Variants in KIF6 observed in about 807,000 individuals in gnomAD.
KIF6 encodes kinesin family member 6.
A neutral mutation model predicts 112.7 loss-of-function variants in KIF6; 106 were observed. That is an observed-to-expected ratio of 0.94 (90% CI 0.80 to 1.11). The LOEUF (loss-of-function observed/expected upper bound fraction) is 1.11. KIF6 is among the 50% of genes least tolerant of loss of function. KIF6 has a pLI of 0.00. For synonymous variants in KIF6, 339 were observed against 339.9 expected (o/e 1.00, Z 0.03); for missense variants, 929 against 964.0 (o/e 0.96, Z 0.48).
In KIF6 at chr6:39,671,861, T is replaced by C. The variant is rs530776787; in HGVS notation, c.252-32104A>G. On this transcript the variant is annotated intron_variant, in intron 3 of 22. Transcript: ENST00000287152. ...ACGTTCTCCCCATGTCTTTGTGGGT[T>C]GTCTTCGGGTACTCTGGTTTCCTCC... Among the ~76,000 whole-genome samples, 3 of 152,330 alleles carry C rather than the reference T, an allele frequency of 2.0e-5. No homozygotes were observed. In the South Asian group the frequency reaches 6.2e-4, roughly 32 times the overall value.
intron 10 of KIF6, among the ~76,000 whole-genome samples, chr6:39,563,442 A>G (rs1441812793): frequency 6.6e-6 from 1 of 152,210 alleles, no homozygotes; most frequent in Non-Finnish European, 1.5e-5. Flanking sequence ...TAAAACTAAC[A>G]GTATAGTTTA....
chr6:39,491,556 A>G (rs1056931691), intron 13 of KIF6, among the ~76,000 whole-genome samples: 11 of 152,192 alleles, frequency 7.2e-5, no homozygotes, highest in African/African-American at 2.7e-4. Context: ...AGATTTCCGT[A>G]CTTTTGGTAC....
intron 13 of KIF6, among the ~76,000 whole-genome samples, chr6:39,537,797 C>T (rs567724037): frequency 7.2e-5 from 11 of 152,298 alleles, no homozygotes; most frequent in South Asian, 2.1e-4. Flanking sequence ...GGAGGCATCA[C>T]GCTACCTGAC....
In KIF6 at chr6:39,331,007, T is replaced by A. The variant is rs1433936525; in HGVS notation, c.*5525A>T. ...GCCCAAATCCCCACAAGTCCCCTTT[T>A]TGCCAAGCTCCACGTCCTTTGCCTC... On this transcript the variant is annotated 3_prime_UTR_variant, in exon 23 of 23. Coordinates refer to ENST00000287152, the MANE Select transcript of KIF6 (RefSeq NM_145027.6). 2 of 152,490 alleles carry A rather than the reference T, an allele frequency of 1.3e-5. No homozygotes were observed. Among genetic ancestry groups the A allele is most frequent in the African/African-American group, 4.8e-5 (2 of 41,452 alleles). 9.4% of individuals were successfully genotyped at this position (152,490 alleles called of 1,614,324 possible). A position where few individuals can be genotyped will look rare whatever the true frequency, so the allele number is the denominator to read the frequency against.
intron 19 of KIF6, among the ~76,000 whole-genome samples, chr6:39,353,182 C>T (rs1022803778): frequency 3.3e-5 from 5 of 152,154 alleles, no homozygotes; most frequent in African/African-American, 1.2e-4. Flanking sequence ...TTTGCATTCC[C>T]TCTAGCAATG....
At chr6:39,581,499 A>G (rs923381076) in intron 9 of KIF6, among the ~76,000 whole-genome samples, 1 of 151,912 alleles carries the variant, frequency 6.6e-6, no homozygotes, top group Non-Finnish European at 1.5e-5. Context: ...GGATTGTCAG[A>G]CTAAAGGGGT....
chr6:39,437,061 C>G (rs528978398), intron 13 of KIF6, among the ~76,000 whole-genome samples: 1 of 151,756 alleles, frequency 6.6e-6, no homozygotes, highest in Non-Finnish European at 1.5e-5. Flanking sequence ...TTTTGTAGTT[C>G]TCCTTGTAGA....
At chr6:39,495,270 C>T (rs990191040) in intron 13 of KIF6, among the ~76,000 whole-genome samples, 3 of 152,198 alleles carry the variant, frequency 2.0e-5, no homozygotes, top group Non-Finnish European at 4.4e-5. Context: ...TAGAATGGGG[C>T]AGACACATGA....
At chr6:39,711,386 C>T (rs896470539) in intron 3 of KIF6, among the ~76,000 whole-genome samples, 2 of 151,654 alleles carry the variant, frequency 1.3e-5, no homozygotes, top group African/African-American at 4.8e-5. Context: ...AGTATCTTCA[C>T]AGTTTGGAGA....
rs778093685 is a variant in KIF6 at position 39,527,304 on chromosome 6, C to A, written c.1645+12699G>T. Among the ~76,000 whole-genome samples, 4 of 152,244 alleles carry A rather than the reference C, an allele frequency of 2.6e-5. No homozygotes were observed. The East Asian group carries it at 7.7e-4, about 29-fold the overall frequency. ...CCTTCCTTTATGCCATGAAGACCTG[C>A]GGTGGGCTCCCTCCCCTCTATCTCC... On this transcript the variant is annotated intron_variant, in intron 13 of 22. Transcript: ENST00000287152.
chr6:39,526,639 A>G (rs1410054244), intron 13 of KIF6, among the ~76,000 whole-genome samples: 2 of 152,180 alleles, frequency 1.3e-5, no homozygotes, highest in South Asian at 2.1e-4. Context: ...GGTATCATTT[A>G]TTCATTTCAT....
At chr6:39,573,392 C>T (rs752364809) in intron 10 of KIF6, among the ~76,000 whole-genome samples, 6 of 152,072 alleles carry the variant, frequency 3.9e-5, no homozygotes, top group African/African-American at 9.7e-5. Context: ...CTCTTAAGTC[C>T]GTTGAAATGT....
chr6:39,497,074 G>A (rs1775830898), intron 13 of KIF6, among the ~76,000 whole-genome samples: 1 of 152,240 alleles, frequency 6.6e-6, no homozygotes, highest in South Asian at 2.1e-4. Flanking sequence ...CAGCTCCTCT[G>A]TGGGGCAGCA....
At chr6:39,604,246 A>C (rs886659176) in intron 6 of KIF6, among the ~76,000 whole-genome samples, 2 of 152,154 alleles carry the variant, frequency 1.3e-5, no homozygotes, top group African/African-American at 4.8e-5. Context: ...CCTCACCCTT[A>C]ATGAAGAATT....
chr6:39,340,354 C>T (rs939746381), intron 22 of KIF6, among the ~76,000 whole-genome samples: 5 of 151,938 alleles, frequency 3.3e-5, no homozygotes, highest in Non-Finnish European at 7.4e-5. Context: ...TCACTCCCCT[C>T]GTCAATGCTG....
intron 5 of KIF6, among the ~76,000 whole-genome samples, chr6:39,630,788 A>G (rs976357852): frequency 3.3e-5 from 5 of 152,050 alleles, no homozygotes; most frequent in African/African-American, 1.2e-4. Context: ...TCATCATTAT[A>G]TATAATGTTA....
chr6:39,434,441 C>T (rs1195711082), intron 13 of KIF6, among the ~76,000 whole-genome samples: 2 of 151,420 alleles, frequency 1.3e-5, no homozygotes, highest in South Asian at 2.1e-4. Context: ...CATGGCAGCA[C>T]GCACCTGTAA....
chr6:39,469,027 T>C (rs1327306333), intron 13 of KIF6, among the ~76,000 whole-genome samples: 1 of 151,842 alleles, frequency 6.6e-6, no homozygotes, highest in Non-Finnish European at 1.5e-5. Context: ...CATACAACAA[T>C]AATAGCATAA....
chr6:39,483,571 C>T (rs916140977), intron 13 of KIF6, among the ~76,000 whole-genome samples: 1 of 152,206 alleles, frequency 6.6e-6, no homozygotes, highest in Non-Finnish European at 1.5e-5. Context: ...ATGAAAACAA[C>T]TTGAAATCCA....
Sources: gnomAD v4.1 joint callset for allele counts (sites outside exome capture counted in the v4.1 genomes callset) on GRCh38, gnomAD v4.1.1 for gene constraint, MANE v1.5 for transcripts, NCBI Gene and HGNC (gene_info 2026-07-23, HGNC 2026-07-21) for gene names.